The following LPP variants were observed in gnomAD, a reference collection of about 807,000 sequenced individuals.
The protein encoded by LPP is LIM domain containing preferred translocation partner in lipoma.
Under a neutral mutation model 60.4 loss-of-function variants are expected in LPP, and 38 were observed. The observed-to-expected ratio is 0.63, with a 90% CI of 0.49 to 0.83. LPP has a LOEUF of 0.83. Ranked by LOEUF, LPP falls within the 40% of genes least tolerant of loss-of-function variation. The pLI, the probability that LPP is intolerant of heterozygous loss-of-function variation, is 0.00. For missense variants in LPP, 902 were observed against 783.6 expected, an observed-to-expected ratio of 1.15 and a Z score of -1.80; for synonymous variants, 328 against 290.8, an observed-to-expected ratio of 1.13 and a Z score of -1.30.
chr3:188,158,316 A>G lies in LPP; in HGVS notation c.-190+4064A>G, dbSNP rs189516223. Among the ~76,000 whole-genome samples, 17 of 152,314 alleles carry G rather than the reference A, an allele frequency of 1.1e-4. No individual in the cohort carries two copies. The East Asian group carries it at 3.1e-3, about 28-fold the overall frequency. On this transcript the variant is annotated intron_variant, in intron 1 of 11. Transcript: ENST00000617246. ...GGGGAAGATATAATCATGTTGATGC[A>G]TGCAGGAAGCTAGTATCTGGGTGAA... is the stretch of plus-strand genomic sequence containing the variant.
chr3:188,759,934 A>T (rs1731605735), intron 8 of LPP, among the ~76,000 whole-genome samples, 179 bp from the exon 9 acceptor site: 2 of 152,066 alleles, frequency 1.3e-5, no homozygotes, highest in African/African-American at 4.8e-5. Context: ...CTTGCAGAGG[A>T]TAGGGGTGGC....
At position 188,485,398 on chromosome 3, in the gene LPP, T is replaced by C. The variant is rs373014093; in HGVS notation, c.306+694T>C. On this transcript the variant is annotated intron_variant, in intron 5 of 11. Transcript: ENST00000617246. ...TCAAGAAGAAAATCTAATAAAGTGA[T>C]AGAATTATTGTTATAGTTTTAGGTG... Among the ~76,000 whole-genome samples the C allele has an allele frequency of 1.4e-4, 22 of 152,330 alleles. 1 individual carries two copies. The East Asian group carries it at 2.3e-3, about 16-fold the overall frequency.
At chr3:188,154,667 C>T (rs1715645550) in intron 1 of LPP, among the ~76,000 whole-genome samples, 1 of 152,200 alleles carries the variant, frequency 6.6e-6, no homozygotes, top group Non-Finnish European at 1.5e-5. Flanking sequence ...GAGGGTCGCC[C>T]GGAAGTTATT....
intron 9 of LPP, among the ~76,000 whole-genome samples, chr3:188,780,458 A>G (rs1427737906): frequency 6.6e-6 from 1 of 152,126 alleles, no homozygotes; most frequent in Non-Finnish European, 1.5e-5. Context: ...ATTCATAAGC[A>G]CAAGTGGGAG....
intron 4 of LPP, among the ~76,000 whole-genome samples, chr3:188,434,541 C>T (rs1791829731): frequency 6.6e-6 from 1 of 152,136 alleles, no homozygotes; most frequent in African/African-American, 2.4e-5. Context: ...CTTTGGCCAG[C>T]ACTGTGATGT....
At chr3:188,412,144 T>A (rs1368506370) in intron 4 of LPP, among the ~76,000 whole-genome samples, 1 of 152,174 alleles carries the variant, frequency 6.6e-6, no homozygotes, top group Non-Finnish European at 1.5e-5. Flanking sequence ...AAATTCTTTT[T>A]AAAAAACATT....
chr3:188,371,302 A>G (rs1773004102), intron 3 of LPP, among the ~76,000 whole-genome samples: 1 of 151,102 alleles, frequency 6.6e-6, no homozygotes, highest in Non-Finnish European at 1.5e-5. Flanking sequence ...TCATTTATAT[A>G]TGAATTATTA....
At chr3:188,179,547 A>G (rs994338313) in intron 1 of LPP, 9 of 455,930 alleles carry the variant, frequency 2.0e-5, no homozygotes, top group Non-Finnish European at 4.0e-5. Flanking sequence ...GTGCTCTCAT[A>G]TTTCCATTTA....
At chr3:188,249,845 C>CACACACAG (rs1728454178) in intron 2 of LPP, among the ~76,000 whole-genome samples, 1 of 136,702 alleles carries the variant, frequency 7.3e-6, no homozygotes, top group African/African-American at 3.1e-5. Context: ...CACACACACA[C>CACACACAG]ACACACACAC....
intron 2 of LPP, among the ~76,000 whole-genome samples, chr3:188,332,682 C>G (rs1052938217): frequency 1.3e-5 from 2 of 152,068 alleles, no homozygotes; most frequent in African/African-American, 2.4e-5. Context: ...TTTTAGTGAT[C>G]CAGATATAAA....
intron 7 of LPP, among the ~76,000 whole-genome samples, chr3:188,650,636 C>A (rs1323936942): frequency 6.6e-6 from 1 of 152,052 alleles, no homozygotes; most frequent in African/African-American, 2.4e-5. Flanking sequence ...CAAGGATGTT[C>A]ACAAATAATA....
intron 1 of LPP, among the ~76,000 whole-genome samples, chr3:188,218,836 G>T (rs1048844882): frequency 2.0e-5 from 3 of 152,108 alleles, no homozygotes; most frequent in African/African-American, 7.2e-5. Flanking sequence ...TGAACAAATT[G>T]CCTTCTTTTT....
At chr3:188,163,786 A>AC (rs1229740072) in intron 1 of LPP, among the ~76,000 whole-genome samples, 1 of 74,394 alleles carries the variant, frequency 1.3e-5, no homozygotes, top group Admixed American at 1.6e-4. Flanking sequence ...TACTAAATAT[A>AC]CAAAAAAAAA....
intron 7 of LPP, among the ~76,000 whole-genome samples, chr3:188,664,566 C>A (rs1271118435): frequency 6.6e-6 from 1 of 151,538 alleles, no homozygotes; most frequent in Non-Finnish European, 1.5e-5. Flanking sequence ...TGAGTATTGT[C>A]TTTAGCTATT....
At chr3:188,768,363 A>T (rs1734801429) in intron 9 of LPP, among the ~76,000 whole-genome samples, 1 of 152,176 alleles carries the variant, frequency 6.6e-6, no homozygotes, top group South Asian at 2.1e-4. Flanking sequence ...ATTCTGTGAT[A>T]ATCTAACTTT....
chr3:188,252,701 T>C (rs1260752497), intron 2 of LPP, among the ~76,000 whole-genome samples: 2 of 152,200 alleles, frequency 1.3e-5, no homozygotes, highest in Non-Finnish European at 2.9e-5. Context: ...TTAATGTATT[T>C]AATGTCCATA....
chr3:188,322,767 C>T (rs1253071078), intron 2 of LPP, among the ~76,000 whole-genome samples: 1 of 152,194 alleles, frequency 6.6e-6, no homozygotes, highest in Non-Finnish European at 1.5e-5. Context: ...ATGCAAGTAA[C>T]TTCTCATCTC....
In LPP at chr3:188,760,187, G is replaced by T. The variant is rs142654226; in HGVS notation, c.1315G>T (p.Val439Leu). 7 of 1,613,936 alleles carry T rather than the reference G, an allele frequency of 4.3e-6. No individual in the cohort carries two copies. The African/African-American group carries it at 9.3e-5, about 22-fold the overall frequency. The change falls in exon 9 of 12, where the codon GTG becomes TTG. Residue 439 changes from valine to leucine, a missense_variant. Val to Leu is a conservative substitution (Grantham distance 32). Coordinates refer to ENST00000617246, the MANE Select transcript of LPP (RefSeq NM_001375462.1). Reference protein sequence around the residue: ...GCTAMDQVFHVDCFTCIICNN... With the variant: ...GCTAMDQVFHLDCFTCIICNN... ...CACTGCCATGGATCAGGTCTTCCAC[G>T]TGGATTGTTTTACCTGCATCATCTG...
At chr3:188,705,602 T>C (rs1865328235) in intron 7 of LPP, among the ~76,000 whole-genome samples, 1 of 151,902 alleles carries the variant, frequency 6.6e-6, no homozygotes, top group East Asian at 1.9e-4. Context: ...TATATATATA[T>C]ATAATTTTTT....
Sources: gnomAD v4.1 joint callset for allele counts (sites outside exome capture counted in the v4.1 genomes callset) on GRCh38, gnomAD v4.1.1 for gene constraint, MANE v1.5 for transcripts, NCBI Gene and HGNC (gene_info 2026-07-23, HGNC 2026-07-21) for gene names.